ECPAS: variants seen among roughly 807,000 people sequenced by gnomAD.
The protein encoded by ECPAS is proteasome adapter and scaffold protein ECM29.
A neutral mutation model predicts 255.1 loss-of-function variants in ECPAS; 70 were observed. The observed-to-expected ratio is 0.27, with a 90% CI of 0.23 to 0.33. The LOEUF (loss-of-function observed/expected upper bound fraction) is 0.33, where lower values mean the gene tolerates loss of function less well. Ranked by LOEUF, ECPAS falls within the 10% of genes least tolerant of loss-of-function variation. The pLI is 1.00. For synonymous variants in ECPAS, 784 were observed against 775.0 expected, an observed-to-expected ratio of 1.01 and a Z score of -0.19; for missense variants, 1,817 against 2,206.4, an observed-to-expected ratio of 0.82 and a Z score of 3.54.
intron 45 of ECPAS, among the ~76,000 whole-genome samples, chr9:111,369,540 G>A (rs1432576550): frequency 6.6e-6 from 1 of 152,164 alleles, no homozygotes. Context: ...AGAAGCAACT[G>A]GTCCAGCTTG....
intron 37 of ECPAS, among the ~76,000 whole-genome samples, chr9:111,375,681 G>A (rs1487244105): frequency 6.6e-6 from 1 of 151,920 alleles, no homozygotes; most frequent in Non-Finnish European, 1.5e-5. Context: ...TAACTAAATG[G>A]TATTCACTAA....
chr9:111,474,733 A>C (rs899699892), intron 1 of ECPAS, among the ~76,000 whole-genome samples: 1 of 152,220 alleles, frequency 6.6e-6, no homozygotes. Flanking sequence ...ATAATAATTT[A>C]TAAGAGCTTA....
chr9:111,467,167 CATT>C (rs1242226519), intron 2 of ECPAS, among the ~76,000 whole-genome samples: 14 of 151,222 alleles, frequency 9.3e-5, no homozygotes, highest in African/African-American at 1.5e-4. Context: ...TCCCTCACAT[CATT>C]ATTAATGGAA....
chr9:111,412,332 T>C (rs759520334), intron 20 of ECPAS, among the ~76,000 whole-genome samples, 184 bp from the exon 21 acceptor site: 1 of 152,174 alleles, frequency 6.6e-6, no homozygotes. Context: ...TCCATTTTCG[T>C]CAAAGATACA....
chr9:111,370,291 A>C, intron 45 of ECPAS, 144 bp downstream of exon 45: 1 of 598,382 alleles, frequency 1.7e-6, no homozygotes, highest in Non-Finnish European at 2.9e-6. Context: ...CATAGCATTG[A>C]CTATCTTGTT....
chr9:111,483,812 G>C lies in ECPAS; in HGVS notation c.-83+304C>G, dbSNP rs559775504. On this transcript the variant is annotated intron_variant, in intron 1 of 49. Coordinates refer to ENST00000684092, the MANE Select transcript of ECPAS (RefSeq NM_001364929.1). ...CGCTGCCGCCGCCGCCGTCTGTGCG[G>C]CCGAATCCCCGTGCGCCAGGCCCGC... 904 of 218,412 alleles carry C rather than the reference G, an allele frequency of 4.1e-3. 8 individuals carry two copies. Among genetic ancestry groups the C allele is most frequent in the African/African-American group, 0.019 (820 of 42,294 alleles). The allele number at this position is 218,412 out of a possible 1,614,324, so 13.5% of individuals were successfully genotyped here.
At chr9:111,383,968 T>TATG (rs144728423) in intron 34 of ECPAS, among the ~76,000 whole-genome samples, 1 of 150,862 alleles carries the variant, frequency 6.6e-6, no homozygotes, top group East Asian at 1.9e-4. Flanking sequence ...TTTGAAGTGT[T>TATG]ATCATCATCA....
chr9:111,472,961 T>C lies in ECPAS; in HGVS notation c.-43A>G. ...CAAAAATCCTCGGGATCACCAATGG[T>C]ACGTTCATCCACTCGTACATATGCA... On this transcript the variant is annotated 5_prime_UTR_variant, in exon 2 of 50. Transcript: ENST00000684092. 1.6e-6 allele frequency: 2 copies of C among 1,233,500 alleles called. No homozygotes were observed. Among genetic ancestry groups the C allele is most frequent in the South Asian group, 3.0e-5 (2 of 67,600 alleles). 76.4% of individuals were successfully genotyped at this position (1,233,500 alleles called of 1,614,324 possible). A position where few individuals can be genotyped will look rare whatever the true frequency, so the allele number is the denominator to read the frequency against.
At chr9:111,394,625 A>G (rs2098165002) in intron 25 of ECPAS, among the ~76,000 whole-genome samples, 1 of 152,150 alleles carries the variant, frequency 6.6e-6, no homozygotes. Flanking sequence ...CTTATTTTGC[A>G]CTTACTTTCC....
At chr9:111,423,612 A>G (rs1054894324) in intron 12 of ECPAS, among the ~76,000 whole-genome samples, 5 of 152,216 alleles carry the variant, frequency 3.3e-5, no homozygotes, top group African/African-American at 1.2e-4. Flanking sequence ...ACACACTAAA[A>G]AACATTAACT....
At chr9:111,440,856 T>C (rs868334957) in intron 5 of ECPAS, among the ~76,000 whole-genome samples, 2 of 152,344 alleles carry the variant, frequency 1.3e-5, no homozygotes, top group Admixed American at 6.5e-5. Context: ...TCAACTTACT[T>C]GTCTTTTCAA....
At chr9:111,423,865 C>T (rs1249474323) in intron 12 of ECPAS, among the ~76,000 whole-genome samples, 1 of 152,194 alleles carries the variant, frequency 6.6e-6, no homozygotes, top group African/African-American at 2.4e-5. Context: ...ACTCAGAACA[C>T]AATAAACTTC....
intron 2 of ECPAS, among the ~76,000 whole-genome samples, chr9:111,466,451 TA>T (rs969380107): frequency 6.2e-5 from 9 of 145,708 alleles, no homozygotes; most frequent in Admixed American, 2.8e-4. Flanking sequence ...TCTCAAAAAA[TA>T]AAAAAAAAGA....
At chr9:111,429,671 G>A (rs116142882) in intron 9 of ECPAS, among the ~76,000 whole-genome samples, 2,162 of 152,166 alleles carry the variant, frequency 0.014, 32 homozygotes, top group African/African-American at 0.042. Flanking sequence ...TCTAACCAGG[G>A]CTAATATTGA....
chr9:111,374,873 G>A (rs1033369557), intron 38 of ECPAS, among the ~76,000 whole-genome samples: 5 of 152,004 alleles, frequency 3.3e-5, no homozygotes, highest in African/African-American at 4.8e-5. Flanking sequence ...GTATGTACAC[G>A]GCAACCAGAG....
chr9:111,365,200 G>A (rs2098118740), intron 48 of ECPAS, among the ~76,000 whole-genome samples: 2 of 152,088 alleles, frequency 1.3e-5, no homozygotes, highest in Non-Finnish European at 2.9e-5. Flanking sequence ...AAACCCAGAA[G>A]GCAGAGTTGC....
intron 28 of ECPAS, 122 bp from the exon 29 acceptor site, chr9:111,391,946 A>C: frequency 1.3e-6 from 1 of 744,200 alleles, no homozygotes; most frequent in Non-Finnish European, 2.2e-6. Flanking sequence ...TACAAGATAT[A>C]AAAGTCCTTT....
chr9:111,412,902 C>T (rs1219803301), intron 20 of ECPAS, among the ~76,000 whole-genome samples: 1 of 152,044 alleles, frequency 6.6e-6, no homozygotes, highest in African/African-American at 2.4e-5. Flanking sequence ...AAAAAAAGAA[C>T]CGCAATATGT....
chr9:111,385,574 G>C (rs1481965695), intron 32 of ECPAS, 132 bp from the exon 33 acceptor site: 5 of 644,602 alleles, frequency 7.8e-6, no homozygotes, highest in Non-Finnish European at 1.1e-5. Context: ...AAACAGCAAT[G>C]ACTTCTCTCC....
Sources: allele counts gnomAD v4.1 joint callset (sites outside exome capture counted in the v4.1 genomes callset), GRCh38; gene constraint gnomAD v4.1.1; transcripts MANE v1.5; gene names NCBI Gene and HGNC (gene_info 2026-07-23, HGNC 2026-07-21).